The following GPHN variants were observed in gnomAD, a reference collection of about 807,000 sequenced individuals.
GPHN encodes gephyrin.
A neutral mutation model predicts 95.5 loss-of-function variants in GPHN; 17 were observed. The ratio of observed to expected loss-of-function variants is 0.18; its 90% confidence interval spans 0.12 to 0.27. GPHN has a LOEUF of 0.27. Ranked by LOEUF, GPHN falls within the 10% of genes least tolerant of loss-of-function variation. The probability of loss-of-function intolerance (pLI) is 1.00; values close to 1 mark genes in which losing one functional copy is unlikely to be tolerated. For synonymous variants in GPHN, 320 were observed against 322.5 expected (o/e 0.99, Z 0.08); for missense variants, 660 against 978.1 (o/e 0.67, Z 4.34).
At chr14:67,500,773 G>A in the GPHN span, among the ~76,000 whole-genome samples, 25 of 151,552 alleles carry the variant, frequency 1.6e-4, no homozygotes, top group African/African-American at 3.6e-4. Flanking sequence ...GGGTTTCACC[G>A]TGTTAGCCAG....
At chr14:67,232,376 G>T in the GPHN span, among the ~76,000 whole-genome samples, 1 of 152,198 alleles carries the variant, frequency 6.6e-6, no homozygotes, top group Non-Finnish European at 1.5e-5. Context: ...CTAGCTAACA[G>T]GTATGTGAGT....
At chr14:67,535,681 C>T in the GPHN span, among the ~76,000 whole-genome samples, 1 of 151,918 alleles carries the variant, frequency 6.6e-6, no homozygotes, top group African/African-American at 2.4e-5. Context: ...TGCCCAGCCT[C>T]GTGAGCACAT....
chr14:67,662,398 T>C, the GPHN span: 2 of 1,238,484 alleles, frequency 1.6e-6, 1 homozygote, highest in South Asian at 2.6e-5. Flanking sequence ...GAACAGTTAA[T>C]TTGTGATCAG....
At chr14:67,420,213 C>T in the GPHN span, among the ~76,000 whole-genome samples, 1 of 152,210 alleles carries the variant, frequency 6.6e-6, no homozygotes, top group Non-Finnish European at 1.5e-5. Context: ...TGTGACTGGC[C>T]AGACTCCATC....
chr14:67,033,382 G>T (rs917527253), intron 10 of GPHN, among the ~76,000 whole-genome samples: 9 of 152,032 alleles, frequency 5.9e-5, no homozygotes, highest in African/African-American at 1.9e-4. Flanking sequence ...TGGCCAACAT[G>T]GTGAAACCCC....
At chr14:67,461,546 C>T in the GPHN span, among the ~76,000 whole-genome samples, 1 of 152,140 alleles carries the variant, frequency 6.6e-6, no homozygotes, top group African/African-American at 2.4e-5. Flanking sequence ...CAGCCCTTAC[C>T]CTCACTCTCC....
downstream of GPHN, among the ~76,000 whole-genome samples, chr14:67,184,043 T>C (rs1030041741): frequency 1.3e-5 from 2 of 151,902 alleles, no homozygotes; most frequent in African/African-American, 4.8e-5. Flanking sequence ...CAGGCTGGTC[T>C]TGAACACCTG....
At chr14:66,916,151 A>G in intron 6 of GPHN, 82 bp downstream of exon 6, 1 of 811,428 alleles carries the variant, frequency 1.2e-6, no homozygotes, top group Non-Finnish European at 2.2e-6. Flanking sequence ...AAGTTGGAGC[A>G]CTCCACAAGA....
downstream of GPHN, among the ~76,000 whole-genome samples, chr14:67,186,471 A>G (rs1336918148): frequency 6.6e-6 from 1 of 152,180 alleles, no homozygotes; most frequent in Non-Finnish European, 1.5e-5. Context: ...GGAAACACAG[A>G]TATCAGAGAC....
chr14:66,888,180 CA>C (rs2153538741), intron 5 of GPHN, among the ~76,000 whole-genome samples: 1 of 152,046 alleles, frequency 6.6e-6, no homozygotes, highest in East Asian at 1.9e-4. Context: ...ACGAGAAAAA[CA>C]GAAGAAATAT....
the GPHN span, among the ~76,000 whole-genome samples, chr14:67,217,717 A>G: frequency 6.6e-6 from 1 of 152,088 alleles, no homozygotes; most frequent in African/African-American, 2.4e-5. Context: ...TTTATCTGTA[A>G]AAGATTTTAA....
intron 2 of GPHN, among the ~76,000 whole-genome samples, chr14:66,691,168 A>T (rs932524281): frequency 6.6e-6 from 1 of 151,822 alleles, no homozygotes; most frequent in South Asian, 2.1e-4. Flanking sequence ...ATAGTGAGAC[A>T]CTGTCTCTAC....
chr14:67,614,845 GTTTT>G, the GPHN span: 2 of 146,058 alleles, frequency 1.4e-5, no homozygotes, highest in Non-Finnish European at 3.0e-5. Context: ...TGTCCTTGAG[GTTTT>G]TTTTTTTTGT....
the GPHN span, among the ~76,000 whole-genome samples, chr14:67,464,606 C>CTCT: frequency 2.6e-5 from 4 of 152,170 alleles, no homozygotes; most frequent in Non-Finnish European, 5.9e-5. Context: ...CAGCTGTTTC[C>CTCT]TCTGCACAAA....
the GPHN span, among the ~76,000 whole-genome samples, chr14:67,724,205 C>A: frequency 6.6e-6 from 1 of 152,192 alleles, no homozygotes; most frequent in Non-Finnish European, 1.5e-5. Context: ...TCTCCATTGG[C>A]CCTGACTCCA....
In GPHN at chr14:66,925,428, C is replaced by A. The variant is rs111950111; in HGVS notation, c.828+1136C>A. 3.1e-3 allele frequency among the ~76,000 whole-genome samples: 473 copies of A among 152,242 alleles called. 11 individuals are homozygous for A. The highest frequency in any genetic ancestry group is 0.011 in the African/African-American group (448 of 41,554). The stretch of plus-strand genomic sequence containing the variant: ...CATCCCTATTTCCCACTCCCCCTAC[C>A]CACCCTCTCCACCCTCTGGTAACCA... On this transcript the variant is annotated intron_variant, in intron 8 of 22. Coordinates refer to ENST00000478722, the MANE Select transcript of GPHN (RefSeq NM_020806.5).
At chr14:67,281,325 A>T in the GPHN span, among the ~76,000 whole-genome samples, 1 of 152,212 alleles carries the variant, frequency 6.6e-6, no homozygotes, top group South Asian at 2.1e-4. Flanking sequence ...GTGTTCAGTC[A>T]TAGTGAAGTC....
At chr14:66,725,630 C>A (rs1350197723) in intron 2 of GPHN, among the ~76,000 whole-genome samples, 2 of 152,110 alleles carry the variant, frequency 1.3e-5, no homozygotes, top group Non-Finnish European at 2.9e-5. Context: ...ATTACAGGTG[C>A]ACGCCACCAC....
At chr14:66,561,484 T>G (rs2060240667) in intron 1 of GPHN, among the ~76,000 whole-genome samples, 1 of 152,090 alleles carries the variant, frequency 6.6e-6, no homozygotes, top group East Asian at 1.9e-4. Context: ...TAGCATGGAC[T>G]AAAATTGCCA....
Sources: allele counts gnomAD v4.1 joint callset (sites outside exome capture counted in the v4.1 genomes callset), GRCh38; gene constraint gnomAD v4.1.1; transcripts MANE v1.5; gene names NCBI Gene and HGNC (gene_info 2026-07-23, HGNC 2026-07-21).